Variants in PPP1R18 observed in about 807,000 individuals in gnomAD.
PPP1R18 encodes phostensin.
A neutral mutation model predicts 54.8 loss-of-function variants in PPP1R18; 31 were observed. That is an observed-to-expected ratio of 0.57 (90% confidence interval 0.43 to 0.76). PPP1R18 has a LOEUF of 0.76. Ranked by LOEUF, PPP1R18 falls within the 30% of genes least tolerant of loss-of-function variation. PPP1R18 has a pLI of 0.00. For synonymous variants in PPP1R18, 310 were observed against 320.2 expected (o/e 0.97, Z 0.34); for missense variants, 685 against 776.1 (o/e 0.88, Z 1.39).
chr6:30,681,789 GA>G (rs1770566572), intron 1 of PPP1R18, among the ~76,000 whole-genome samples: 1 of 152,040 alleles, frequency 6.6e-6, no homozygotes. Context: ...AAAGAAAAAA[GA>G]AAGGAGCTTA....
At chr6:30,678,619 C>T (rs1488522884) in intron 2 of PPP1R18, among the ~76,000 whole-genome samples, 1 of 152,012 alleles carries the variant, frequency 6.6e-6, no homozygotes, top group East Asian at 1.9e-4. Flanking sequence ...ACTTCGTGAT[C>T]CGCCCGCCTC....
In PPP1R18 at chr6:30,685,068, C is replaced by T. The variant is rs1181605171; in HGVS notation, c.951G>A (p.Arg317=). 1.9e-6 allele frequency: 3 copies of T among 1,613,174 alleles called. No homozygotes were observed. The highest frequency in any genetic ancestry group is 2.2e-5 in the East Asian group (1 of 44,898). Residue 317 remains arginine, a synonymous_variant, in exon 1 of 3, where the codon AGG becomes AGA. Transcript: ENST00000274853. The surrounding 1 kb of genome is among the most constrained non-coding windows in gnomAD (Gnocchi z 5.0). ...SSAGVEAAEQ[R]PVEDGERGMK... ...TGCCCCTCTCGCCATCTTCCACAGG[C>T]CTCTGCTCTGCTGCCTCCACTCCTG...
In PPP1R18 at chr6:30,679,365, C is replaced by T; in HGVS notation, c.1636G>A (p.Ala546Thr). Residue 546 changes from alanine to threonine, a missense_variant, in exon 2 of 3, where the codon GCC (alanine) becomes ACC (threonine). Ala to Thr is a moderately conservative substitution (Grantham distance 58, BLOSUM62 0). Coordinates refer to ENST00000274853, the MANE Select transcript of PPP1R18 (RefSeq NM_133471.4). ...GGGTATTGGTACGTGGTCTCCAGGG[C>T]TGTCTCGCTGAAGGAGATCTTAAGC... ...KQLKISFSET[A>T]LETTYQYPSE... is the part of the protein sequence containing the mutation. 1 of 1,585,864 alleles carries T rather than the reference C, an allele frequency of 6.3e-7. No homozygotes were observed. Among genetic ancestry groups the T allele is most frequent in the Non-Finnish European group, 8.6e-7 (1 of 1,167,586 alleles).
Position 30,685,281 on chromosome 6 carries a change from T to C in PPP1R18, c.738A>G (p.Arg246=). The C allele has an allele frequency of 6.2e-7, 1 of 1,613,110 alleles. No individual in the cohort carries two copies. ...GTACCAAACTCTGTTCCTGAGACTC[T>C]CTGGAGTCAGGTCTCCATTTATGGG... is the stretch of plus-strand genomic sequence containing the variant. The part of the protein sequence containing the change: ...TEAHKWRPDS[R]ESQEQSLVQL... The change falls in exon 1 of 3, where the codon AGA becomes AGG. Residue 246 remains arginine (R), a synonymous_variant. Transcript: ENST00000274853. This position sits in a 1 kb window ranked among gnomAD's most constrained non-coding sequence, Gnocchi z 5.0.
At position 30,685,809 on chromosome 6, in the gene PPP1R18, T is replaced by A; in HGVS notation, c.210A>T (p.Pro70=). 6.2e-7 allele frequency: 1 copy of A among 1,613,070 alleles called. No homozygotes were observed. Among genetic ancestry groups the A allele is most frequent in the Non-Finnish European group, 8.5e-7 (1 of 1,180,022 alleles). ...PVLGTVEAGP[P]DPDESAVLLE... ...GAAGGACCGCAGACTCATCCGGGTC[T>A]GGAGGTCCAGCCTCTACAGTCCCTA... The change falls in exon 1 of 3, where the codon CCA becomes CCT. Residue 70 remains proline, a synonymous_variant. Transcript: ENST00000274853. The surrounding 1 kb of genome is among the most constrained non-coding windows in gnomAD (Gnocchi z 5.0).
rs1194017258 is a variant in PPP1R18, at chr6:30,685,377, G to A, written c.642C>T (p.Pro214=). Residue 214 remains proline, a synonymous_variant, in exon 1 of 3, where the codon CCC becomes CCT. Transcript: ENST00000274853. This position sits in a 1 kb window ranked among gnomAD's most constrained non-coding sequence, Gnocchi z 5.0. ...GTCTACTTTCCACCTCTTTTCTCCT[G>A]GGGCTTTGCTCTCGAGACTCTGCTA... ...LRLAESREQS[P]RRKEVESRLS... is the part of the protein sequence containing the mutation. 6.2e-7 allele frequency: 1 copy of A among 1,612,850 alleles called. No individual in the cohort carries two copies. Among genetic ancestry groups the A allele is most frequent in the African/African-American group, 1.3e-5 (1 of 74,884 alleles).
chr6:30,679,413 C>T, intron 1 of PPP1R18, 24 bp from the exon 2 acceptor site: 1 of 1,531,568 alleles, frequency 6.5e-7, no homozygotes, highest in Non-Finnish European at 8.8e-7. Context: ...AAAAAGGGGG[C>T]AGGAGGCAAG....
At chr6:30,687,596 C>G (rs1031297736), upstream of PPP1R18, 1 of 152,382 alleles carries the variant, frequency 6.6e-6, no homozygotes, top group Non-Finnish European at 1.5e-5. The surrounding 1 kb of genome is among the most constrained non-coding windows in gnomAD (Gnocchi z 7.9). Flanking sequence ...GGGGCCCGCC[C>G]TTCCCATCTC....
Position 30,684,780 on chromosome 6 carries a change from C to G in PPP1R18, c.1239G>C (p.Leu413=). ...CCACTGCTTCCTCTTCCTGCTGTCT[C>G]AGGCCTCCAGTCCCAGCGTCCTCTG... ...LPPEDAGTGG[L]RQQEEEAVEL... is the part of the protein sequence containing the mutation. The change falls in exon 1 of 3, where the codon CTG becomes CTC. Residue 413 remains leucine (L), a synonymous_variant. Transcript: ENST00000274853. The surrounding 1 kb of genome is among the most constrained non-coding windows in gnomAD (Gnocchi z 6.0). The G allele has an allele frequency of 6.2e-7, 1 of 1,602,488 alleles. No individual in the cohort carries two copies. The highest frequency in any genetic ancestry group is 8.5e-7 in the Non-Finnish European group (1 of 1,174,066).
chr6:30,677,429 C>T, intron 2 of PPP1R18, 141 bp from the exon 3 acceptor site: 1 of 649,110 alleles, frequency 1.5e-6, no homozygotes, highest in Non-Finnish European at 2.6e-6. Context: ...ATGTTACCAC[C>T]AGTAACCACA....
At chr6:30,681,590 C>T (rs1022804030) in intron 1 of PPP1R18, among the ~76,000 whole-genome samples, 1 of 151,874 alleles carries the variant, frequency 6.6e-6, no homozygotes, top group South Asian at 2.1e-4. Flanking sequence ...ATGGTGAAAC[C>T]CCGTCTCTAC....
intron 1 of PPP1R18, among the ~76,000 whole-genome samples, chr6:30,681,592 C>T (rs1345500223): frequency 2.6e-5 from 4 of 151,804 alleles, no homozygotes; most frequent in African/African-American, 9.7e-5. Flanking sequence ...GGTGAAACCC[C>T]GTCTCTACTA....
At chr6:30,681,290 C>T (rs1304590131) in intron 1 of PPP1R18, among the ~76,000 whole-genome samples, 3 of 151,880 alleles carry the variant, frequency 2.0e-5, no homozygotes, top group Non-Finnish European at 2.9e-5. Flanking sequence ...CTGGAACACT[C>T]CCCCAAAATA....
chr6:30,679,200 G>A lies in PPP1R18; in HGVS notation c.1801C>T (p.Arg601Cys), dbSNP rs142244581. ...LLQPELQGGL[R>C]TKALIVDESC... ...TTACCCACAATCAGGGCCTTGGTGC[G>A]CAGCCCGCCCTGGAGCTCTGGCTGC... Residue 601 changes from arginine (R) to cysteine (C), a missense_variant, in exon 2 of 3, where the codon CGC becomes TGC. Arg to Cys is a radical substitution (Grantham distance 180). Coordinates refer to ENST00000274853, the MANE Select transcript of PPP1R18 (RefSeq NM_133471.4). 2.5e-6 allele frequency: 4 copies of A among 1,590,002 alleles called. No homozygotes were observed. Among genetic ancestry groups the A allele is most frequent in the Middle Eastern group, 2.0e-4 (1 of 4,966 alleles).
upstream of PPP1R18, chr6:30,686,902 A>C (rs1204925136): frequency 1.3e-5 from 2 of 151,604 alleles, no homozygotes; most frequent in Non-Finnish European, 2.9e-5. Flanking sequence ...GGCCGGCTCC[A>C]TGTCTCTTCT....
chr6:30,686,097 G>A lies in PPP1R18; in HGVS notation c.-79C>T, dbSNP rs1770914057. On this transcript the variant is annotated 5_prime_UTR_variant, in exon 1 of 3. Transcript: ENST00000274853. ...GGCTCCAGAGAGTGAGACAGCCCGG[G>A]GGTGAGACTGAGGGTGGGAGGAGAG... The A allele has an allele frequency of 7.0e-7, 1 of 1,422,306 alleles. No homozygotes were observed. Among genetic ancestry groups the A allele is most frequent in the South Asian group, 1.4e-5 (1 of 73,626 alleles). The allele number at this position is 1,422,306 out of a possible 1,614,324, so 88.1% of individuals were successfully genotyped here. A position where few individuals can be genotyped will look rare whatever the true frequency, so the allele number is the denominator to read the frequency against.
rs759283283 is a variant in PPP1R18, at chr6:30,685,999, C to G, written c.20G>C (p.Trp7Ser). ...GCGCCGGGCTAGCAGCTGTAGCTTCCAGTCTGGGATGGTGGCCATGGTCGT... is the reference window on the plus strand; with the variant it reads ...GCGCCGGGCTAGCAGCTGTAGCTTCGAGTCTGGGATGGTGGCCATGGTCGT... MATIPD[W>S]KLQLLARRRQ... Residue 7 changes from tryptophan (W) to serine (S), a missense_variant, in exon 1 of 3, where the codon TGG becomes TCG. Trp to Ser is a radical substitution (Grantham distance 177, BLOSUM62 -3). Transcript: ENST00000274853. The surrounding 1 kb of genome is among the most constrained non-coding windows in gnomAD (Gnocchi z 5.0). 6.3e-7 allele frequency: 1 copy of G among 1,581,402 alleles called. No homozygotes were observed. The highest frequency in any genetic ancestry group is 1.7e-5 in the Admixed American group (1 of 57,538).
Position 30,683,888 on chromosome 6 carries a change from C to T in PPP1R18, c.1611+520G>A, listed in dbSNP as rs1448986124. 2.0e-5 allele frequency among the ~76,000 whole-genome samples: 3 copies of T among 152,090 alleles called. No homozygotes were observed. The highest frequency in any genetic ancestry group is 6.5e-5 in the Admixed American group (1 of 15,272). On this transcript the variant is annotated intron_variant, in intron 1 of 2. Transcript: ENST00000274853. The surrounding 1 kb of genome is among the most constrained non-coding windows in gnomAD (Gnocchi z 5.1). ...CTATTCAGCTCTGCCCTCCTTCCCA[C>T]GGGGCAGTTGGACCTTTCTCCATTC... is the stretch of plus-strand genomic sequence containing the variant.
chr6:30,683,746 C>A lies in PPP1R18; in HGVS notation c.1611+662G>T, dbSNP rs1187378541. 1.3e-5 allele frequency among the ~76,000 whole-genome samples: 2 copies of A among 152,092 alleles called. No homozygotes were observed. The highest frequency in any genetic ancestry group is 1.3e-4 in the Admixed American group (2 of 15,272). ...GGGTGTGCAACCCCGAGGTCACCCACTTCAAATGGCCTCTCTGTGTCTCTC... is the reference window on the plus strand; with the variant it reads ...GGGTGTGCAACCCCGAGGTCACCCAATTCAAATGGCCTCTCTGTGTCTCTC... On this transcript the variant is annotated intron_variant, in intron 1 of 2. Coordinates refer to ENST00000274853, the MANE Select transcript of PPP1R18 (RefSeq NM_133471.4). The surrounding 1 kb of genome is among the most constrained non-coding windows in gnomAD (Gnocchi z 5.1).
Sources: allele counts gnomAD v4.1 joint callset (sites outside exome capture counted in the v4.1 genomes callset), GRCh38; gene constraint gnomAD v4.1.1; non-coding constraint Gnocchi (gnomAD v3.1); transcripts MANE v1.5; gene names NCBI Gene and HGNC (gene_info 2026-07-23, HGNC 2026-07-21).